PTTG1: variants seen among roughly 807,000 people sequenced by gnomAD.
PTTG1 encodes securin.
Under a neutral mutation model 20.0 loss-of-function variants are expected in PTTG1, and 8 were observed. The ratio of observed to expected loss-of-function variants is 0.40; its 90% CI spans 0.23 to 0.72. The LOEUF is 0.72. Among genes scored for constraint, PTTG1 ranks in the 30% least tolerant of loss-of-function variants. PTTG1 has a pLI of 0.38. For synonymous variants in PTTG1, 79 were observed against 87.2 expected, an observed-to-expected ratio of 0.91 and a Z score of 0.52; for missense variants, 197 against 236.0, an observed-to-expected ratio of 0.83 and a Z score of 1.08.
chr5:160,423,205 G>A (rs1421063096), intron 3 of PTTG1, among the ~76,000 whole-genome samples: 1 of 152,222 alleles, frequency 6.6e-6, no homozygotes, highest in Non-Finnish European at 1.5e-5. Flanking sequence ...GGTGCCTTAA[G>A]AGAAACTGGT....
chr5:160,427,218 C>T (rs1765824003), intron 4 of PTTG1, among the ~76,000 whole-genome samples: 1 of 152,146 alleles, frequency 6.6e-6, no homozygotes, highest in Non-Finnish European at 1.5e-5. Flanking sequence ...GTTGTTAATT[C>T]AAGTAAAAAC....
chr5:160,424,321 A>G lies in PTTG1; in HGVS notation c.361A>G (p.Asn121Asp), dbSNP rs766613015. Reference protein sequence around the residue: ...YPEIEKFFPFNPLDFESFDLP... With the variant: ...YPEIEKFFPFDPLDFESFDLP... ...AGAAATAGAAAAATTCTTTCCCTTC[A>G]ATCCTCTAGGTAGTATCTTTTGCAA... is the stretch of plus-strand genomic sequence containing the variant. The change falls in exon 4 of 6, where the codon AAT becomes GAT. Residue 121 changes from asparagine (N) to aspartate (D), a missense_variant. Physicochemically the swap from Asn to Asp is conservative, Grantham distance 23. Coordinates refer to ENST00000352433, the MANE Select transcript of PTTG1 (RefSeq NM_004219.4). 1.9e-6 allele frequency: 3 copies of G among 1,599,148 alleles called. No individual in the cohort carries two copies. The highest frequency in any genetic ancestry group is 2.2e-5 in the South Asian group (2 of 90,544).
intron 5 of PTTG1, 91 bp downstream of exon 5, chr5:160,427,964 C>A: frequency 6.8e-7 from 1 of 1,461,838 alleles, no homozygotes; most frequent in Non-Finnish European, 9.4e-7. Context: ...GGGAGGTGAG[C>A]CTGTGAGTAA....
intron 3 of PTTG1, among the ~76,000 whole-genome samples, chr5:160,423,253 G>C (rs1271069911): frequency 6.6e-6 from 1 of 152,134 alleles, no homozygotes; most frequent in Non-Finnish European, 1.5e-5. Context: ...TGAGAGAGAG[G>C]GTGCCTTAAG....
At chr5:160,426,466 T>C (rs951116776) in intron 4 of PTTG1, among the ~76,000 whole-genome samples, 3 of 152,214 alleles carry the variant, frequency 2.0e-5, no homozygotes, top group Admixed American at 6.5e-5. Flanking sequence ...CAAGTGGCTG[T>C]TTCTGAATAT....
At chr5:160,428,340 T>A (rs1581087224) in intron 5 of PTTG1, among the ~76,000 whole-genome samples, 1 of 152,236 alleles carries the variant, frequency 6.6e-6, no homozygotes, top group African/African-American at 2.4e-5. Context: ...TTTGTCCTAA[T>A]AAGTTACATT....
In PTTG1 at chr5:160,427,700, T is replaced by C; in HGVS notation, c.371-15T>C. On this transcript the variant is annotated splice_polypyrimidine_tract_variant and intron_variant, in intron 4 of 5. Transcript: ENST00000352433. ...GAACTGCTGCCCTGACAAAAACGCT[T>C]TCTCTCTGTAACAGACTTTGAGAGT... is the stretch of plus-strand genomic sequence containing the variant. The C allele has an allele frequency of 6.2e-7, 1 of 1,612,282 alleles. No homozygotes were observed. Among genetic ancestry groups the C allele is most frequent in the Non-Finnish European group, 8.5e-7 (1 of 1,178,840 alleles).
At chr5:160,422,940 G>T in intron 3 of PTTG1, 47 bp downstream of exon 3, 2 of 1,580,876 alleles carry the variant, frequency 1.3e-6, no homozygotes, top group South Asian at 2.2e-5. Context: ...AAGCACTTTT[G>T]ACTCTTAAAA....
chr5:160,421,938 C>A (rs1439008007), intron 1 of PTTG1, 47 bp downstream of exon 1: 2 of 192,316 alleles, frequency 1.0e-5, no homozygotes, highest in Non-Finnish European at 2.2e-5. Context: ...CCGGCTCCGG[C>A]GGGGAAGGAG....
chr5:160,428,073 T>G (rs1336164646), intron 5 of PTTG1, among the ~76,000 whole-genome samples, 200 bp downstream of exon 5: 1 of 152,204 alleles, frequency 6.6e-6, no homozygotes, highest in Non-Finnish European at 1.5e-5. Flanking sequence ...AAATTGTTAT[T>G]CTGGAAACTG....
chr5:160,422,462 A>G, intron 2 of PTTG1, 59 bp downstream of exon 2: 1 of 1,459,802 alleles, frequency 6.9e-7, no homozygotes. Context: ...CTGGAGCTGG[A>G]CGAGACATTT....
intron 4 of PTTG1, among the ~76,000 whole-genome samples, chr5:160,427,190 A>G (rs1239312752): frequency 2.6e-5 from 4 of 152,220 alleles, no homozygotes; most frequent in African/African-American, 9.6e-5. Context: ...GGTCTGAGTG[A>G]CCATGGGATT....
At position 160,424,299 on chromosome 5, in the gene PTTG1, A is replaced by T. The variant is rs1239307024; in HGVS notation, c.339A>T (p.Glu113Asp). Residue 113 changes from glutamate to aspartate, a missense_variant, in exon 4 of 6, where the codon GAA becomes GAT. Glu to Asp is a conservative substitution (Grantham distance 45, BLOSUM62 2). Transcript: ENST00000352433. ...CTGCCTCAGATGATGCCTATCCAGA[A>T]ATAGAAAAATTCTTTCCCTTCAATC... ...SVPASDDAYP[E>D]IEKFFPFNPL... 6.2e-7 allele frequency: 1 copy of T among 1,611,682 alleles called. No individual in the cohort carries two copies. The highest frequency in any genetic ancestry group is 8.5e-7 in the Non-Finnish European group (1 of 1,178,048).
At chr5:160,422,918 G>T (rs745674387) in intron 3 of PTTG1, 25 bp downstream of exon 3, 1 of 1,609,586 alleles carries the variant, frequency 6.2e-7, no homozygotes, top group South Asian at 1.1e-5. Flanking sequence ...TAAAGACACT[G>T]TTTAAACACT....
Position 160,427,804 on chromosome 5 carries a change from G to C in PTTG1, c.460G>C (p.Glu154Gln), listed in dbSNP as rs1450064706. 1 of 1,614,144 alleles carries C rather than the reference G, an allele frequency of 6.2e-7. No individual in the cohort carries two copies. The highest frequency in any genetic ancestry group is 8.5e-7 in the Non-Finnish European group (1 of 1,180,024). ...TCTCATGATCCTTGACGAGGAGAGA[G>C]AGCTTGAAAAGCTGTTTCAGCTGGG... is the stretch of plus-strand genomic sequence containing the variant. ...VPLMILDEER[E>Q]LEKLFQLGPP... is the part of the protein sequence containing the mutation. The change falls in exon 5 of 6, where the codon GAG becomes CAG. Residue 154 changes from glutamate to glutamine, a missense_variant. Coordinates refer to ENST00000352433, the MANE Select transcript of PTTG1 (RefSeq NM_004219.4).
intron 5 of PTTG1, among the ~76,000 whole-genome samples, chr5:160,428,163 G>T (rs1765844364): frequency 6.6e-6 from 1 of 152,168 alleles, no homozygotes; most frequent in South Asian, 2.1e-4. Flanking sequence ...TAATAAACTT[G>T]CTTGGAATGA....
intron 2 of PTTG1, 144 bp from the exon 3 acceptor site, chr5:160,422,565 C>T (rs1180137928): frequency 3.0e-6 from 3 of 1,003,664 alleles, no homozygotes; most frequent in Middle Eastern, 2.1e-4. Flanking sequence ...TACTGAATCT[C>T]TGCTATTAGG....
In PTTG1 at chr5:160,428,702, TTGTG is replaced by T. The variant is rs1449272489; in HGVS notation, c.*25_*28del. 6.3e-7 allele frequency: 1 copy of T among 1,582,862 alleles called. No individual in the cohort carries two copies. The highest frequency in any genetic ancestry group is 1.1e-5 in the South Asian group (1 of 90,414). ...TTTAAATTTCTTAGTGCTTCAGAGT[TTGTG>T]TGTATTTGTATTAATAAAGCATTCT... On this transcript the variant is annotated 3_prime_UTR_variant, in exon 6 of 6. Coordinates refer to ENST00000352433, the MANE Select transcript of PTTG1 (RefSeq NM_004219.4).
At chr5:160,427,642 C>A in intron 4 of PTTG1, 73 bp from the exon 5 acceptor site, 1 of 1,516,878 alleles carries the variant, frequency 6.6e-7, no homozygotes, top group South Asian at 1.3e-5. Flanking sequence ...CTCAAAGGGT[C>A]TCAGACCACA....
Sources: allele counts gnomAD v4.1 joint callset (sites outside exome capture counted in the v4.1 genomes callset), GRCh38; gene constraint gnomAD v4.1.1; transcripts MANE v1.5; gene names NCBI Gene and HGNC (gene_info 2026-07-23, HGNC 2026-07-21).